The following TMEM196 variants were observed in gnomAD, a reference collection of about 807,000 sequenced individuals.
The protein encoded by TMEM196 is transmembrane protein 196.
In TMEM196, 17 loss-of-function variants were observed where a neutral mutation model predicts 20.0. The ratio of observed to expected loss-of-function variants is 0.85; its 90% CI spans 0.58 to 1.27. The LOEUF (loss-of-function observed/expected upper bound fraction) is 1.27. TMEM196 is among the 50% of genes most tolerant of loss of function. The pLI is 0.00. For missense variants in TMEM196, 267 were observed against 223.0 expected (o/e 1.20, Z -1.26); for synonymous variants, 113 against 88.9 (o/e 1.27, Z -1.52).
At chr7:19,747,691 C>CT (rs1241977937) in intron 1 of TMEM196, among the ~76,000 whole-genome samples, 1 of 152,238 alleles carries the variant, frequency 6.6e-6, no homozygotes, top group African/African-American at 2.4e-5. Context: ...CCTGAACCCT[C>CT]TCAGTATTTG....
chr7:19,765,556 T>C (rs948401938), intron 1 of TMEM196, among the ~76,000 whole-genome samples: 1 of 152,176 alleles, frequency 6.6e-6, no homozygotes, highest in South Asian at 2.1e-4. Flanking sequence ...ATTTACATAG[T>C]TCTAAATGTT....
At chr7:19,756,926 C>A (rs1244991374) in intron 1 of TMEM196, among the ~76,000 whole-genome samples, 1 of 152,128 alleles carries the variant, frequency 6.6e-6, no homozygotes, top group African/African-American at 2.4e-5. Flanking sequence ...CTAGCCACAT[C>A]TCAAGTGCTC....
At chr7:19,734,127 G>C (rs1042747577) in intron 1 of TMEM196, among the ~76,000 whole-genome samples, 1 of 152,080 alleles carries the variant, frequency 6.6e-6, no homozygotes, top group African/African-American at 2.4e-5. Flanking sequence ...CACCACTAGA[G>C]GAATGTGAAG....
rs373450916 is a variant in TMEM196, at chr7:19,760,612, C to T, written c.147+11938G>A. ...CCAACCTCAACCAATCTGCCTGTCT[C>T]GGCCTCCCAAAATGCTGGGATTATA... On this transcript the variant is annotated intron_variant, in intron 1 of 4. Transcript: ENST00000405844. Among the ~76,000 whole-genome samples the T allele has an allele frequency of 3.9e-5, 6 of 152,202 alleles. No homozygotes were observed. In the East Asian group the frequency reaches 7.7e-4, roughly 20 times the overall value.
At chr7:19,741,714 G>T (rs1284622721) in intron 1 of TMEM196, among the ~76,000 whole-genome samples, 4 of 152,124 alleles carry the variant, frequency 2.6e-5, no homozygotes, top group African/African-American at 9.7e-5. Flanking sequence ...TTTGCACTGA[G>T]TGATGATTGC....
At chr7:19,770,165 C>T (rs1785811664) in intron 1 of TMEM196, among the ~76,000 whole-genome samples, 1 of 152,116 alleles carries the variant, frequency 6.6e-6, no homozygotes, top group African/African-American at 2.4e-5. Context: ...TTTCATTGAC[C>T]ATCCCAATCT....
chr7:19,729,312 C>A, intron 2 of TMEM196, 70 bp downstream of exon 2: 2 of 1,351,288 alleles, frequency 1.5e-6, no homozygotes, highest in Non-Finnish European at 2.0e-6. Context: ...GCTGGCTAGC[C>A]ATCATTTCTA....
intron 1 of TMEM196, among the ~76,000 whole-genome samples, chr7:19,747,182 G>C (rs1026266707): frequency 6.6e-6 from 1 of 150,858 alleles, no homozygotes; most frequent in Non-Finnish European, 1.5e-5. Context: ...GTGAACCCGG[G>C]AGGCGGAGCT....
rs79040981 is a variant in TMEM196, at chr7:19,757,097, T to C, written c.147+15453A>G. On this transcript the variant is annotated intron_variant, in intron 1 of 4. Transcript: ENST00000405844. ...TCCTAAATTAGCTCTAAAGGCAGTTTGCTTTTTACCTGCATAAGTTTTCTG... is the reference window on the plus strand; with the variant it reads ...TCCTAAATTAGCTCTAAAGGCAGTTCGCTTTTTACCTGCATAAGTTTTCTG... 4.1e-3 allele frequency among the ~76,000 whole-genome samples: 618 copies of C among 152,250 alleles called. 6 individuals are homozygous for C. Among genetic ancestry groups the C allele is most frequent in the African/African-American group, 0.014 (574 of 41,544 alleles).
chr7:19,728,504 A>G (rs1784077132), intron 2 of TMEM196, among the ~76,000 whole-genome samples: 1 of 152,208 alleles, frequency 6.6e-6, no homozygotes, highest in South Asian at 2.1e-4. Flanking sequence ...GTTCTCACGA[A>G]GAAAGATGTG....
intron 2 of TMEM196, 135 bp from the exon 3 acceptor site, chr7:19,725,903 G>A: frequency 9.5e-7 from 1 of 1,052,952 alleles, no homozygotes; most frequent in African/African-American, 1.6e-5. Context: ...GCTTCACAGA[G>A]GACAGGAGAT....
chr7:19,733,867 C>T (rs765425786), intron 1 of TMEM196, among the ~76,000 whole-genome samples: 31 of 152,228 alleles, frequency 2.0e-4, no homozygotes, highest in Non-Finnish European at 3.7e-4. Context: ...ATCAGGCGCA[C>T]AAGGACTTCC....
intron 2 of TMEM196, among the ~76,000 whole-genome samples, chr7:19,726,466 A>G (rs1011640799): frequency 6.6e-6 from 1 of 152,158 alleles, no homozygotes; most frequent in East Asian, 1.9e-4. Flanking sequence ...CTATGAACTG[A>G]CCCCTATATA....
Position 19,735,397 on chromosome 7 carries a change from C to A in TMEM196, c.148-5959G>T, listed in dbSNP as rs149487984. On this transcript the variant is annotated intron_variant, in intron 1 of 4. Coordinates refer to ENST00000405844, the MANE Select transcript of TMEM196 (RefSeq NM_001363562.2). ...CCAGAAAAGTACTCTGTTAGAATTT[C>A]TCTAAAATGAGTAAAACCCTTTTCT... Among the ~76,000 whole-genome samples the A allele has an allele frequency of 4.2e-3, 645 of 152,264 alleles. 39 individuals are homozygous for A. The East Asian group carries it at 0.11, about 25-fold the overall frequency.
intron 1 of TMEM196, among the ~76,000 whole-genome samples, chr7:19,751,801 A>C (rs908855738): frequency 3.3e-5 from 5 of 152,166 alleles, no homozygotes; most frequent in African/African-American, 1.2e-4. Flanking sequence ...CCCTTGTACC[A>C]AAACTGTGTG....
intron 3 of TMEM196, 64 bp downstream of exon 3, chr7:19,725,450 C>T (rs1367343418): frequency 2.0e-6 from 3 of 1,499,988 alleles, no homozygotes; most frequent in Admixed American, 4.0e-5. Flanking sequence ...CAAGTTGATT[C>T]ACCCAGAGTG....
intron 1 of TMEM196, among the ~76,000 whole-genome samples, chr7:19,748,723 A>G (rs1395965753): frequency 6.6e-6 from 1 of 152,184 alleles, no homozygotes; most frequent in Non-Finnish European, 1.5e-5. Context: ...ATCAAGATAC[A>G]TTTTGCTTAG....
intron 1 of TMEM196, among the ~76,000 whole-genome samples, chr7:19,743,497 A>C (rs922168139): frequency 1.3e-5 from 2 of 152,118 alleles, no homozygotes; most frequent in Non-Finnish European, 2.9e-5. Flanking sequence ...TTTTATAATA[A>C]ATATTTTGGA....
chr7:19,749,778 C>T (rs1409600407), intron 1 of TMEM196, among the ~76,000 whole-genome samples: 1 of 152,168 alleles, frequency 6.6e-6, no homozygotes, highest in African/African-American at 2.4e-5. Flanking sequence ...AAATACACAA[C>T]ACTCACAAAC....
Sources: gnomAD v4.1 joint callset for allele counts (sites outside exome capture counted in the v4.1 genomes callset) on GRCh38, gnomAD v4.1.1 for gene constraint, MANE v1.5 for transcripts, NCBI Gene and HGNC (gene_info 2026-07-23, HGNC 2026-07-21) for gene names.